Variants in DPP10 observed in about 807,000 individuals in gnomAD.
DPP10 encodes dipeptidyl peptidase like 10, also known as inactive dipeptidyl peptidase 10.
A neutral mutation model predicts 120.9 loss-of-function variants in DPP10; 33 were observed. The ratio of observed to expected loss-of-function variants is 0.27; its 90% CI spans 0.21 to 0.37. The LOEUF is 0.37. Among genes scored for constraint, DPP10 ranks in the 10% least tolerant of loss-of-function variants. The probability of loss-of-function intolerance (pLI) is 1.00; values close to 1 mark genes in which losing one functional copy is unlikely to be tolerated. For missense variants in DPP10, 816 were observed against 942.8 expected (o/e 0.87, Z 1.76); for synonymous variants, 337 against 326.1 (o/e 1.03, Z -0.36).
At chr2:114,772,722 G>T (rs1057294305) in intron 1 of DPP10, among the ~76,000 whole-genome samples, 3 of 151,586 alleles carry the variant, frequency 2.0e-5, no homozygotes, top group Non-Finnish European at 2.9e-5. Flanking sequence ...AAGAAGTAGG[G>T]TCAACAGAGC....
intron 3 of DPP10, among the ~76,000 whole-genome samples, chr2:115,350,605 G>T (rs571568627): frequency 1.9e-3 from 284 of 152,178 alleles, no homozygotes; most frequent in African/African-American, 6.6e-3. Context: ...TGAAAAGGAG[G>T]TACAGAGAGG....
At chr2:115,741,093 G>A (rs899517600) in intron 9 of DPP10, among the ~76,000 whole-genome samples, 1 of 152,026 alleles carries the variant, frequency 6.6e-6, no homozygotes, top group Non-Finnish European at 1.5e-5. Context: ...CTTTCCTTCT[G>A]TTCCCACCAG....
At chr2:114,474,759 T>G (rs1397100110) in intron 1 of DPP10, among the ~76,000 whole-genome samples, 7 of 152,248 alleles carry the variant, frequency 4.6e-5, no homozygotes, top group Non-Finnish European at 1.0e-4. Flanking sequence ...CACCCATTAC[T>G]GAGTAGCTTT....
chr2:114,765,801 A>G (rs912469626), intron 1 of DPP10, among the ~76,000 whole-genome samples: 1 of 152,052 alleles, frequency 6.6e-6, no homozygotes, highest in Non-Finnish European at 1.5e-5. Flanking sequence ...TGGAAATGAA[A>G]CTGAGACTCT....
chr2:115,482,980 A>G (rs764232931), intron 3 of DPP10, among the ~76,000 whole-genome samples: 99 of 152,142 alleles, frequency 6.5e-4, no homozygotes, highest in Admixed American at 1.1e-3. Flanking sequence ...ATACATAAAT[A>G]CCAAATATAT....
intron 1 of DPP10, among the ~76,000 whole-genome samples, chr2:115,090,218 A>G (rs59967986): frequency 0.014 from 2,120 of 152,312 alleles, 52 homozygotes; most frequent in African/African-American, 0.046. Context: ...AGTGCAAAGA[A>G]GAATTCTACT....
In DPP10 at chr2:114,593,245, G is replaced by A. The variant is rs2105173507; in HGVS notation, c.60+150407G>A. On this transcript the variant is annotated intron_variant, in intron 1 of 25. Coordinates refer to ENST00000410059, the MANE Select transcript of DPP10 (RefSeq NM_020868.6). ...AGGCTGCAGCATGAGAAGAAAATTA[G>A]AACGGTAATATAGAAACTGTAAGGA... 2.6e-5 allele frequency among the ~76,000 whole-genome samples: 4 copies of A among 152,268 alleles called. No individual in the cohort carries two copies. The South Asian group carries it at 8.3e-4, about 32-fold the overall frequency.
intron 3 of DPP10, among the ~76,000 whole-genome samples, chr2:115,491,067 G>A (rs148359564): frequency 3.3e-5 from 5 of 152,222 alleles, no homozygotes; most frequent in African/African-American, 7.2e-5. Context: ...GCAGTGAGTC[G>A]AGATCCCACC....
rs554743768 is a variant in DPP10, at chr2:115,134,799, G to A, written c.61-174440G>A. On this transcript the variant is annotated intron_variant, in intron 1 of 25. Coordinates refer to ENST00000410059, the MANE Select transcript of DPP10 (RefSeq NM_020868.6). ...CAGTGGTTTCGTTGTATTATATTAC[G>A]TTTTGCTATTTTAGTAATGGAAAAT... Among the ~76,000 whole-genome samples the A allele has an allele frequency of 7.2e-5, 11 of 152,128 alleles. No individual in the cohort carries two copies. In the South Asian group the frequency reaches 1.9e-3, roughly 26 times the overall value.
intron 1 of DPP10, among the ~76,000 whole-genome samples, chr2:115,139,263 T>G (rs1164691676): frequency 6.6e-6 from 1 of 152,166 alleles, no homozygotes; most frequent in East Asian, 1.9e-4. Context: ...TGTTTAAAAG[T>G]TTTAATCTCC....
chr2:115,004,177 G>T (rs957674090), intron 1 of DPP10, among the ~76,000 whole-genome samples: 2 of 152,098 alleles, frequency 1.3e-5, no homozygotes, highest in African/African-American at 4.8e-5. Context: ...GGCTGGAAAG[G>T]GTAGCATGAA....
intron 4 of DPP10, among the ~76,000 whole-genome samples, chr2:115,519,489 A>G (rs1035136534): frequency 6.6e-6 from 1 of 152,198 alleles, no homozygotes; most frequent in Non-Finnish European, 1.5e-5. Flanking sequence ...AAAGAGATAT[A>G]ATTTAAGCAT....
intron 3 of DPP10, among the ~76,000 whole-genome samples, chr2:115,418,441 A>G (rs1419332665): frequency 6.6e-6 from 1 of 152,146 alleles, no homozygotes; most frequent in Non-Finnish European, 1.5e-5. Context: ...GTTTTAAAAA[A>G]TGGCTTAAGG....
chr2:115,455,456 G>A (rs1208545558), intron 3 of DPP10, among the ~76,000 whole-genome samples: 1 of 151,966 alleles, frequency 6.6e-6, no homozygotes, highest in Non-Finnish European at 1.5e-5. Context: ...CACAGAATTG[G>A]AAAAAACTAT....
chr2:115,508,957 G>A (rs2077088033), intron 4 of DPP10, among the ~76,000 whole-genome samples: 1 of 152,124 alleles, frequency 6.6e-6, no homozygotes, highest in South Asian at 2.1e-4. Flanking sequence ...GACTAAGCAA[G>A]AATATGGCTT....
chr2:115,806,756 C>T (rs1299450325), intron 19 of DPP10, among the ~76,000 whole-genome samples: 1 of 152,100 alleles, frequency 6.6e-6, no homozygotes, highest in Non-Finnish European at 1.5e-5. Context: ...TGAAAAAATA[C>T]AGAAATTTAA....
chr2:114,903,800 G>A (rs1277233663), intron 1 of DPP10, among the ~76,000 whole-genome samples: 3 of 152,186 alleles, frequency 2.0e-5, no homozygotes, highest in Non-Finnish European at 4.4e-5. Flanking sequence ...GAGAAAGAGT[G>A]TATCTCTCCA....
chr2:115,297,270 A>G, intron 1 of DPP10: 1 of 407,522 alleles, frequency 2.5e-6, no homozygotes, highest in Non-Finnish European at 5.0e-6. Context: ...TATGCCTAGG[A>G]AGATGAAAGC....
chr2:115,665,270 A>G (rs899119918), intron 5 of DPP10, among the ~76,000 whole-genome samples: 11 of 152,228 alleles, frequency 7.2e-5, no homozygotes, highest in Admixed American at 2.0e-4. Context: ...ACAAAGGCAC[A>G]TGTTCCTTTA....
Sources: allele counts gnomAD v4.1 joint callset (sites outside exome capture counted in the v4.1 genomes callset), GRCh38; gene constraint gnomAD v4.1.1; transcripts MANE v1.5; gene names NCBI Gene and HGNC (gene_info 2026-07-23, HGNC 2026-07-21).